ZFHX3: variants seen among roughly 807,000 people sequenced by gnomAD.
ZFHX3 encodes the protein zinc finger homeobox 3.
Under a neutral mutation model 279.1 loss-of-function variants are expected in ZFHX3, and 42 were observed. The observed-to-expected ratio is 0.15, with a 90% CI of 0.12 to 0.19. ZFHX3 has a LOEUF of 0.19. Ranked by LOEUF, ZFHX3 falls within the 10% of genes least tolerant of loss-of-function variation. The pLI is 1.00. For synonymous variants in ZFHX3, 2,293 were observed against 1,957.8 expected (o/e 1.17, Z -4.52); for missense variants, 4,981 against 4,754.0 (o/e 1.05, Z -1.40).
chr16:72,896,477 A>G (rs16971379), intron 3 of ZFHX3, among the ~76,000 whole-genome samples: 3,607 of 152,256 alleles, frequency 0.024, 81 homozygotes, highest in South Asian at 0.12. Context: ...AACACCAAGC[A>G]CAAAAAGCAA....
chr16:73,546,685 G>GCTA (rs1158437386), intron 2 of ZFHX3, among the ~76,000 whole-genome samples: 3 of 68,744 alleles, frequency 4.4e-5, no homozygotes, highest in Non-Finnish European at 7.4e-5. Flanking sequence ...TGCTGCTGCT[G>GCTA]CTGCTGCTGC....
chr16:73,039,985 C>T (rs931369428), intron 1 of ZFHX3, among the ~76,000 whole-genome samples: 9 of 152,214 alleles, frequency 5.9e-5, no homozygotes, highest in Non-Finnish European at 1.0e-4. Flanking sequence ...AAACTATAAT[C>T]GCTTTGTCGC....
chr16:73,807,101 A>G (rs1402847252), intron 1 of ZFHX3, among the ~76,000 whole-genome samples: 1 of 152,226 alleles, frequency 6.6e-6, no homozygotes, highest in African/African-American at 2.4e-5. Context: ...ATTCAGAGAA[A>G]GGGAGTGGCC....
At chr16:72,815,570 G>A (rs147809127) in intron 5 of ZFHX3, among the ~76,000 whole-genome samples, 52 of 152,298 alleles carry the variant, frequency 3.4e-4, no homozygotes, top group East Asian at 1.4e-3. Context: ...TCTGTCACTA[G>A]CATACATCGT....
chr16:73,201,034 C>G (rs1392522958), intron 5 of ZFHX3, among the ~76,000 whole-genome samples: 1 of 152,200 alleles, frequency 6.6e-6, no homozygotes, highest in Non-Finnish European at 1.5e-5. Flanking sequence ...CCTTTCCCTG[C>G]TCTCAGTTCA....
At position 72,796,295 on chromosome 16, in the gene ZFHX3, G is replaced by A. The variant is rs752719409; in HGVS notation, c.6387C>T (p.Ala2129=). ...GATTGAGCTGATGCTGGTAGAGTTG[G>A]GCCAGGTCCGCAGGCAGAGGCTCCA... The part of the protein sequence containing the change: ...GPVEPLPADL[A]QLYQHQLNPT... Residue 2129 remains alanine (A), a synonymous_variant, in exon 9 of 10, where the codon GCC becomes GCT. Transcript: ENST00000268489. The A allele has an allele frequency of 3.4e-5, 55 of 1,614,134 alleles. No individual in the cohort carries two copies. The South Asian group carries it at 5.6e-4, about 16-fold the overall frequency.
chr16:72,788,505 G>A lies in ZFHX3; in HGVS notation c.9771C>T (p.Pro3257=), dbSNP rs1484436704. ...TGGGGGCCTCTCCTTTCTCCTTCTT[G>A]GGGACAGGCAGGGGTTCCCCTTTCC... ...HKGKGEPLPV[P]KKEKGEAPTA... is the part of the protein sequence containing the mutation. Residue 3257 remains proline (P), a synonymous_variant, in exon 10 of 10, where the codon CCC becomes CCT. Transcript: ENST00000268489. 2 of 1,614,206 alleles carry A rather than the reference G, an allele frequency of 1.2e-6. No individual in the cohort carries two copies. The highest frequency in any genetic ancestry group is 1.7e-6 in the Non-Finnish European group (2 of 1,180,036).
rs1244143119 is a variant in ZFHX3, at chr16:72,959,557, T to C, written c.589A>G (p.Thr197Ala). Residue 197 changes from threonine (T) to alanine (A), a missense_variant, in exon 2 of 10, where the codon ACT (threonine) becomes GCT (alanine). Thr to Ala is a moderately conservative substitution (Grantham distance 58). Around this residue, in one of 7 missense-constraint regions of ZFHX3, gnomAD observed 1,068 missense variants for 935.2 expected, o/e 1.14. Coordinates refer to ENST00000268489, the MANE Select transcript of ZFHX3 (RefSeq NM_006885.4). ...AAPVYPQIIN[T>A]FHIASSFGKW... is the part of the protein sequence containing the mutation. ...CCGAAGGATGAGGCTATGTGGAAAG[T>C]GTTGATGATCTGCGGGTACACGGGT... The C allele has an allele frequency of 9.9e-6, 16 of 1,613,964 alleles. No individual in the cohort carries two copies. The highest frequency in any genetic ancestry group is 2.7e-5 in the African/African-American group (2 of 74,882).
intron 4 of ZFHX3, among the ~76,000 whole-genome samples, chr16:73,309,607 A>T (rs2015275069): frequency 1.3e-5 from 2 of 152,206 alleles, no homozygotes; most frequent in Non-Finnish European, 2.9e-5. Flanking sequence ...CAGTAAAGGA[A>T]GATACTGAAA....
intron 2 of ZFHX3, among the ~76,000 whole-genome samples, chr16:73,650,678 T>C (rs2142165240): frequency 6.6e-6 from 1 of 152,304 alleles, no homozygotes; most frequent in Non-Finnish European, 1.5e-5. Flanking sequence ...ATTAGCTAAG[T>C]AATCAAAAAC....
chr16:73,503,081 T>C (rs2019267059), intron 2 of ZFHX3, among the ~76,000 whole-genome samples: 2 of 152,204 alleles, frequency 1.3e-5, no homozygotes, highest in Admixed American at 1.3e-4. Flanking sequence ...CAGGGGCTGC[T>C]CTAATCAGAG....
At chr16:73,761,288 G>T (rs1209671262) in intron 1 of ZFHX3, among the ~76,000 whole-genome samples, 2 of 152,064 alleles carry the variant, frequency 1.3e-5, no homozygotes, top group African/African-American at 2.4e-5. Context: ...GGGAAGTGAA[G>T]GACCTCTTCA....
At chr16:73,296,708 C>A (rs1423254541) in intron 4 of ZFHX3, among the ~76,000 whole-genome samples, 1 of 152,040 alleles carries the variant, frequency 6.6e-6, no homozygotes, top group Non-Finnish European at 1.5e-5. Context: ...CAGGTAGATT[C>A]TTTGCATTCA....
Position 73,334,810 on chromosome 16 carries a change from C to CCTTTTTTTTTTTTTTT in ZFHX3, c.-1290-16475_-1290-16474insAAAAAAAAAAAAAAAG, listed in dbSNP as rs1555510772. ...TCTTTTCCTCCTTTTCTTTCTCATT[C>CCTTTTTTTTTTTTTTT]TTTTTTTTTTTTTTTTTTTTTTTTT... On this transcript the variant is annotated intron_variant, in intron 3 of 17. Coordinates refer to the ZFHX3 transcript ENST00000641206. 1.2e-4 allele frequency among the ~76,000 whole-genome samples: 7 copies of CCTTTTTTTTTTTTTTT among 57,858 alleles called. 2 individuals are homozygous for CCTTTTTTTTTTTTTTT. The highest frequency in any genetic ancestry group is 8.2e-4 in the East Asian group (2 of 2,426). 38.0% of individuals were successfully genotyped at this position (57,858 alleles called of 152,430 possible).
At chr16:73,504,705 T>G (rs2019293747) in intron 2 of ZFHX3, 1 of 152,242 alleles carries the variant, frequency 6.6e-6, no homozygotes, top group South Asian at 2.1e-4. Flanking sequence ...TGGGTTCATT[T>G]GGCTGAGGAG....
chr16:73,573,276 C>T (rs2143809872), intron 2 of ZFHX3, among the ~76,000 whole-genome samples: 1 of 152,210 alleles, frequency 6.6e-6, no homozygotes, highest in South Asian at 2.1e-4. Flanking sequence ...CCAGTGTGAA[C>T]CTCACCACCC....
chr16:73,613,488 T>C (rs569399622), intron 2 of ZFHX3, among the ~76,000 whole-genome samples: 294 of 152,140 alleles, frequency 1.9e-3, no homozygotes, highest in African/African-American at 6.8e-3. Flanking sequence ...CTGAGATTCA[T>C]ACTGAACAGT....
intron 3 of ZFHX3, among the ~76,000 whole-genome samples, chr16:72,936,208 C>G (rs907659269): frequency 3.3e-5 from 5 of 152,188 alleles, no homozygotes; most frequent in Non-Finnish European, 7.3e-5. Flanking sequence ...TGCCTTAGGG[C>G]TCTACCTTAT....
At chr16:72,937,753 C>G (rs1292878872) in intron 3 of ZFHX3, among the ~76,000 whole-genome samples, 1 of 152,230 alleles carries the variant, frequency 6.6e-6, no homozygotes, top group Non-Finnish European at 1.5e-5. Flanking sequence ...AAGGAAAACA[C>G]CATCTCCTCT....
Sources: allele counts gnomAD v4.1 joint callset (sites outside exome capture counted in the v4.1 genomes callset), GRCh38; gene constraint gnomAD v4.1.1; regional missense constraint gnomAD v4.1.1; transcripts MANE v1.5; gene names NCBI Gene and HGNC (gene_info 2026-07-23, HGNC 2026-07-21).